The following ARB2A variants were observed in gnomAD, a reference collection of about 807,000 sequenced individuals.
ARB2A encodes ARB2 cotranscriptional regulator A, also known as cotranscriptional regulator ARB2A.
the ARB2A span, among the ~76,000 whole-genome samples, chr5:94,000,710 C>A: frequency 6.6e-6 from 1 of 152,032 alleles, no homozygotes; most frequent in African/African-American, 2.4e-5. Flanking sequence ...GGTGTTGCAT[C>A]TAAAAAGTCA....
chr5:93,828,568 G>A, the ARB2A span, among the ~76,000 whole-genome samples: 1 of 152,106 alleles, frequency 6.6e-6, no homozygotes, highest in Non-Finnish European at 1.5e-5. Flanking sequence ...TTTCACAAGT[G>A]GATGACCACA....
chr5:93,704,979 T>C, the ARB2A span, among the ~76,000 whole-genome samples: 1 of 152,308 alleles, frequency 6.6e-6, no homozygotes, highest in East Asian at 1.9e-4. Flanking sequence ...AATCCTCTCG[T>C]GTTGGAAAAT....
the ARB2A span, chr5:93,618,297 T>C: frequency 6.6e-6 from 1 of 152,156 alleles, no homozygotes; most frequent in Non-Finnish European, 1.5e-5. Context: ...TATAGAAAGC[T>C]CCAAAGCAAT....
chr5:93,674,104 T>C, the ARB2A span, among the ~76,000 whole-genome samples: 2 of 152,066 alleles, frequency 1.3e-5, no homozygotes, highest in Admixed American at 6.6e-5. Flanking sequence ...ACACCAAGAA[T>C]GTAAGTTAGT....
At chr5:94,011,931 G>GC in the ARB2A span, among the ~76,000 whole-genome samples, 1 of 98,838 alleles carries the variant, frequency 1.0e-5, no homozygotes, top group Non-Finnish European at 2.1e-5. Flanking sequence ...AAATTAAAGG[G>GC]TAGACAAAAA....
chr5:94,061,432 C>A, the ARB2A span, among the ~76,000 whole-genome samples: 1 of 152,208 alleles, frequency 6.6e-6, no homozygotes, highest in Non-Finnish European at 1.5e-5. Flanking sequence ...TATTCTTGTT[C>A]AACATAGTAC....
chr5:94,098,246 C>T, the ARB2A span, among the ~76,000 whole-genome samples: 1 of 152,142 alleles, frequency 6.6e-6, no homozygotes, highest in Non-Finnish European at 1.5e-5. Context: ...AGATGAAGAA[C>T]CCGTGGAAGG....
chr5:94,105,107 C>A, the ARB2A span, among the ~76,000 whole-genome samples: 1 of 152,044 alleles, frequency 6.6e-6, no homozygotes, highest in Admixed American at 6.6e-5. Flanking sequence ...CCACTCTCAC[C>A]ACAACTATTC....
At chr5:93,740,653 T>G in the ARB2A span, 2 of 1,613,798 alleles carry the variant, frequency 1.2e-6, no homozygotes, top group Non-Finnish European at 1.7e-6. Flanking sequence ...ACGTGTATAG[T>G]GGGGGATATC....
chr5:93,720,660 T>C, the ARB2A span, among the ~76,000 whole-genome samples: 1 of 152,206 alleles, frequency 6.6e-6, no homozygotes, highest in Non-Finnish European at 1.5e-5. Context: ...CATAAGATGT[T>C]AGTAACTTGT....
chr5:93,887,254 G>C, the ARB2A span, among the ~76,000 whole-genome samples: 1 of 137,948 alleles, frequency 7.2e-6, no homozygotes, highest in Non-Finnish European at 1.6e-5. Context: ...GAAGTGAGTG[G>C]ATAAAAAAAA....
At chr5:93,631,089 T>C in the ARB2A span, among the ~76,000 whole-genome samples, 1 of 151,944 alleles carries the variant, frequency 6.6e-6, no homozygotes, top group Non-Finnish European at 1.5e-5. Context: ...TTCTCCATGT[T>C]GGTCAGGCTG....
At chr5:93,807,116 A>G in the ARB2A span, among the ~76,000 whole-genome samples, 11 of 152,110 alleles carry the variant, frequency 7.2e-5, no homozygotes, top group East Asian at 9.7e-4. Flanking sequence ...AGAATCCTAC[A>G]TTTGTCTTAC....
chr5:93,873,488 T>G, the ARB2A span, among the ~76,000 whole-genome samples: 1 of 152,134 alleles, frequency 6.6e-6, no homozygotes, highest in Non-Finnish European at 1.5e-5. Flanking sequence ...AAAAAAAATC[T>G]ACTGTGTTTA....
the ARB2A span, among the ~76,000 whole-genome samples, chr5:93,913,679 GA>G: frequency 6.6e-6 from 1 of 151,990 alleles, no homozygotes; most frequent in South Asian, 2.1e-4. Flanking sequence ...AAAATTCCCA[GA>G]CAACTTTTGT....
At chr5:93,856,175 T>A in the ARB2A span, among the ~76,000 whole-genome samples, 1 of 152,214 alleles carries the variant, frequency 6.6e-6, no homozygotes, top group Non-Finnish European at 1.5e-5. Flanking sequence ...CTGATGGGCT[T>A]CCCTTTGTGG....
chr5:93,894,637 C>G, the ARB2A span, among the ~76,000 whole-genome samples: 1 of 152,100 alleles, frequency 6.6e-6, no homozygotes. Context: ...ATCTTTTCAT[C>G]AAGGGTGGCT....
chr5:93,748,750 A>C, the ARB2A span, among the ~76,000 whole-genome samples: 1 of 152,090 alleles, frequency 6.6e-6, no homozygotes, highest in African/African-American at 2.4e-5. Flanking sequence ...TTGCCAGCTA[A>C]AAATAAAAAA....
chr5:94,057,011 T>G, the ARB2A span, among the ~76,000 whole-genome samples: 3 of 152,144 alleles, frequency 2.0e-5, no homozygotes, highest in Non-Finnish European at 2.9e-5. Context: ...AAAGGAGAAT[T>G]CACTCTCTCT....
Sources: gnomAD v4.1 joint callset for allele counts (sites outside exome capture counted in the v4.1 genomes callset) on GRCh38, gnomAD v4.1.1 for gene constraint, MANE v1.5 for transcripts, NCBI Gene and HGNC (gene_info 2026-07-23, HGNC 2026-07-21) for gene names.